DDX10: variants seen among roughly 807,000 people sequenced by gnomAD.
The protein encoded by DDX10 is DEAD-box helicase 10, also known as probable ATP-dependent RNA helicase DDX10.
Under a neutral mutation model 104.3 loss-of-function variants are expected in DDX10, and 74 were observed. The observed-to-expected ratio is 0.71, with a 90% CI of 0.59 to 0.86. The LOEUF is 0.86. Ranked by LOEUF, DDX10 falls within the 40% of genes least tolerant of loss-of-function variation. The pLI, the probability that DDX10 is intolerant of heterozygous loss-of-function variation, is 0.00. For synonymous variants in DDX10, 351 were observed against 353.4 expected (o/e 0.99, Z 0.08); for missense variants, 952 against 1,040.0 (o/e 0.92, Z 1.16).
In DDX10 at chr11:108,803,598, A is replaced by AAAAAG. The variant is rs1555027137; in HGVS notation, c.1966-34843_1966-34839dup. Among the ~76,000 whole-genome samples the AAAAAG allele has an allele frequency of 4.9e-4, 68 of 138,590 alleles. 9 individuals are homozygous for AAAAAG. Among genetic ancestry groups the AAAAAG allele is most frequent in the African/African-American group, 4.3e-4 (16 of 37,518 alleles). 90.9% of individuals were successfully genotyped at this position (138,590 alleles called of 152,430 possible). A position where few individuals can be genotyped will look rare whatever the true frequency, so the allele number is the denominator to read the frequency against. ...AACAAGAGCGAAAAAAAAAAAAAAA[A>AAAAAG]AAAAGAAAAAAATCTTTGTTTTTCC... On this transcript the variant is annotated intron_variant, in intron 13 of 17. Coordinates refer to ENST00000322536, the MANE Select transcript of DDX10 (RefSeq NM_004398.4).
intron 5 of DDX10, 42 bp downstream of exon 5, chr11:108,678,477 A>G: frequency 6.7e-7 from 1 of 1,502,536 alleles, no homozygotes; most frequent in Non-Finnish European, 8.9e-7. Context: ...AAAAAAGCTC[A>G]GACTTAGGAG....
At chr11:108,770,289 A>C (rs2094361308) in intron 13 of DDX10, among the ~76,000 whole-genome samples, 1 of 152,194 alleles carries the variant, frequency 6.6e-6, no homozygotes, top group African/African-American at 2.4e-5. Context: ...CCTTTGAGTT[A>C]CAGACAATTT....
chr11:108,937,410 G>GAT (rs1491432684), intron 17 of DDX10, among the ~76,000 whole-genome samples: 3 of 152,086 alleles, frequency 2.0e-5, no homozygotes, highest in Non-Finnish European at 4.4e-5. Context: ...TTTGATGTTT[G>GAT]GGGTTTCAGA....
Position 108,723,343 on chromosome 11 carries a change from A to C in DDX10, c.1846A>C (p.Ile616Leu). 4 of 1,614,012 alleles carry C rather than the reference A, an allele frequency of 2.5e-6. No homozygotes were observed. The highest frequency in any genetic ancestry group is 3.4e-6 in the Non-Finnish European group (4 of 1,179,944). Reference protein sequence around the residue: ...SLPNTSEAQKIKEVPTQFLDR... With the variant: ...SLPNTSEAQKLKEVPTQFLDR... Reference sequence around the variant, plus strand: ...TCCTAACACCAGTGAGGCACAGAAGATCAAGGAAGTTCCTACACAGTTCTT... The same window carrying C: ...TCCTAACACCAGTGAGGCACAGAAGCTCAAGGAAGTTCCTACACAGTTCTT... The change falls in exon 13 of 18, where the codon ATC (isoleucine) becomes CTC (leucine). Residue 616 changes from isoleucine (I) to leucine (L), a missense_variant. Physicochemically the swap from Ile to Leu is conservative, Grantham distance 5. Coordinates refer to ENST00000322536, the MANE Select transcript of DDX10 (RefSeq NM_004398.4).
intron 16 of DDX10, among the ~76,000 whole-genome samples, chr11:108,872,210 C>A (rs1458810132): frequency 6.6e-6 from 1 of 152,162 alleles, no homozygotes; most frequent in African/African-American, 2.4e-5. Context: ...AGATAAATCA[C>A]AAATACATAG....
chr11:108,940,456 T>C lies in DDX10; in HGVS notation c.*33T>C. 1 of 1,606,322 alleles carries C rather than the reference T, an allele frequency of 6.2e-7. No individual in the cohort carries two copies. The highest frequency in any genetic ancestry group is 8.5e-7 in the Non-Finnish European group (1 of 1,176,494). The stretch of plus-strand genomic sequence containing the variant: ...CTGCGCCTGCCTTCTCCTTGAAACC[T>C]TGGTTATGACTGCGTAGGCAAGAAG... On this transcript the variant is annotated 3_prime_UTR_variant, in exon 18 of 18. Transcript: ENST00000322536.
At chr11:108,697,807 T>A (rs1334699173) in intron 9 of DDX10, among the ~76,000 whole-genome samples, 1 of 152,180 alleles carries the variant, frequency 6.6e-6, no homozygotes, top group East Asian at 1.9e-4. Context: ...AATGTCCAGT[T>A]GAAAGTAGAA....
intron 13 of DDX10, among the ~76,000 whole-genome samples, chr11:108,756,290 T>A (rs1248067298): frequency 2.6e-5 from 4 of 152,050 alleles, no homozygotes; most frequent in Non-Finnish European, 5.9e-5. Flanking sequence ...ATGATTCTTA[T>A]ATGGAAAAGA....
intron 13 of DDX10, among the ~76,000 whole-genome samples, chr11:108,814,490 A>T (rs1331990895): frequency 6.6e-6 from 1 of 152,186 alleles, no homozygotes; most frequent in Non-Finnish European, 1.5e-5. Context: ...TTTGGATGAC[A>T]AGCCATCACA....
intron 13 of DDX10, among the ~76,000 whole-genome samples, chr11:108,823,118 G>GT (rs1310044535): frequency 7.9e-5 from 12 of 152,154 alleles, no homozygotes; most frequent in East Asian, 3.9e-4. Context: ...TAATTCCAGT[G>GT]TTTTTTTAAA....
intron 14 of DDX10, 97 bp downstream of exon 14, chr11:108,838,662 G>A (rs1329028246): frequency 3.7e-6 from 5 of 1,333,866 alleles, no homozygotes; most frequent in Non-Finnish European, 2.0e-6. Context: ...TAGAGTAAAT[G>A]TTTCTCTACA....
chr11:108,758,844 A>G (rs529957071), intron 13 of DDX10, among the ~76,000 whole-genome samples: 5 of 152,056 alleles, frequency 3.3e-5, no homozygotes, highest in African/African-American at 1.2e-4. Context: ...CGTTTTTGCC[A>G]TGTAACTATA....
Position 108,923,924 on chromosome 11 carries a change from A to C in DDX10, c.2450+5906A>C, listed in dbSNP as rs143125694. Among the ~76,000 whole-genome samples the C allele has an allele frequency of 2.1e-3, 318 of 152,326 alleles. 2 individuals carry two copies. Among genetic ancestry groups the C allele is most frequent in the Non-Finnish European group, 3.2e-3 (215 of 68,034 alleles). On this transcript the variant is annotated intron_variant, in intron 17 of 17. Transcript: ENST00000322536. ...CTTCTAAAGTGAGATGAGTGTCTTT[A>C]ACCGTATTCCGTTTAAACTCTTCTT...
intron 16 of DDX10, among the ~76,000 whole-genome samples, chr11:108,886,425 A>AT (rs1464829292): frequency 1.3e-5 from 2 of 152,110 alleles, no homozygotes; most frequent in Non-Finnish European, 2.9e-5. Flanking sequence ...GTGCAAATGC[A>AT]TTTTTTTCCA....
At chr11:108,894,327 T>C (rs1863413425) in intron 16 of DDX10, among the ~76,000 whole-genome samples, 1 of 152,030 alleles carries the variant, frequency 6.6e-6, no homozygotes, top group Non-Finnish European at 1.5e-5. Context: ...ATGTAGGAAA[T>C]TGATAGTTAC....
intron 15 of DDX10, among the ~76,000 whole-genome samples, chr11:108,845,410 G>A (rs930601141): frequency 2.0e-5 from 3 of 152,032 alleles, no homozygotes; most frequent in African/African-American, 7.2e-5. Flanking sequence ...CTACTATAAT[G>A]ACAATTCTTA....
intron 1 of DDX10, among the ~76,000 whole-genome samples, chr11:108,667,300 G>A (rs1445893529): frequency 2.6e-5 from 4 of 152,156 alleles, no homozygotes; most frequent in Non-Finnish European, 5.9e-5. Context: ...TTGTCCCCTA[G>A]GCCTTAAACC....
chr11:108,827,425 G>A (rs1862410501), intron 13 of DDX10, among the ~76,000 whole-genome samples: 1 of 152,160 alleles, frequency 6.6e-6, no homozygotes, highest in African/African-American at 2.4e-5. Context: ...ACAGAGTTGG[G>A]TGGTGGAGGC....
intron 17 of DDX10, among the ~76,000 whole-genome samples, chr11:108,935,140 AG>A (rs1437549031): frequency 1.3e-5 from 2 of 152,198 alleles, no homozygotes; most frequent in Non-Finnish European, 2.9e-5. Flanking sequence ...ACCATTTGGT[AG>A]GCAGAAGAAG....
Sources: allele counts gnomAD v4.1 joint callset (sites outside exome capture counted in the v4.1 genomes callset), GRCh38; gene constraint gnomAD v4.1.1; transcripts MANE v1.5; gene names NCBI Gene and HGNC (gene_info 2026-07-23, HGNC 2026-07-21).